CADM2: variants seen among roughly 807,000 people sequenced by gnomAD.
CADM2 encodes cell adhesion molecule 2.
CADM2 carries 12 observed loss-of-function variants against 49.8 expected under a neutral mutation model. The observed-to-expected ratio is 0.24, with a 90% confidence interval of 0.15 to 0.39. The LOEUF is 0.39. Ranked by LOEUF, CADM2 falls within the 10% of genes least tolerant of loss-of-function variation. CADM2 has a pLI of 1.00. For missense variants in CADM2, 378 were observed against 492.3 expected (o/e 0.77, Z 2.20); for synonymous variants, 214 against 175.4 (o/e 1.22, Z -1.74).
chr3:85,625,771 G>GTAC (rs1237465032), intron 1 of CADM2, among the ~76,000 whole-genome samples: 5 of 151,740 alleles, frequency 3.3e-5, no homozygotes, highest in Non-Finnish European at 7.4e-5. Context: ...ATGTAGTTTC[G>GTAC]TACTGTGATA....
intron 2 of CADM2, among the ~76,000 whole-genome samples, chr3:85,785,812 T>G (rs1384571560): frequency 6.6e-6 from 1 of 151,702 alleles, no homozygotes; most frequent in Non-Finnish European, 1.5e-5. Flanking sequence ...CAGCTTCCAT[T>G]TTCTTGTACA....
intron 1 of CADM2, among the ~76,000 whole-genome samples, chr3:85,168,119 G>C (rs376280792): frequency 6.6e-6 from 1 of 151,990 alleles, no homozygotes; most frequent in African/African-American, 2.4e-5. Flanking sequence ...GCAGTGGCTC[G>C]ATCTGGGCTC....
chr3:85,027,097 T>A (rs965423857), intron 1 of CADM2, among the ~76,000 whole-genome samples: 14 of 133,700 alleles, frequency 1.0e-4, no homozygotes, highest in South Asian at 9.4e-4. Flanking sequence ...TTGTTGTTGC[T>A]TTTTCTTTTT....
intron 1 of CADM2, among the ~76,000 whole-genome samples, chr3:85,279,076 T>TA (rs1347866692): frequency 3.4e-4 from 52 of 151,606 alleles, no homozygotes; most frequent in Non-Finnish European, 6.8e-4. Context: ...GTTTGGGGTT[T>TA]CAGGAGTAAG....
At chr3:85,411,597 A>C (rs2035659700) in intron 1 of CADM2, among the ~76,000 whole-genome samples, 2 of 152,178 alleles carry the variant, frequency 1.3e-5, no homozygotes, top group South Asian at 4.1e-4. Context: ...ATCATAGTTT[A>C]TACCAAACCC....
At chr3:85,291,997 T>C (rs1348268476) in intron 1 of CADM2, among the ~76,000 whole-genome samples, 15 of 152,106 alleles carry the variant, frequency 9.9e-5, no homozygotes, top group Non-Finnish European at 1.8e-4. Flanking sequence ...GACTGGCAAA[T>C]TGGATAAACA....
At chr3:85,950,989 A>G (rs1723360325) in intron 7 of CADM2, among the ~76,000 whole-genome samples, 1 of 151,070 alleles carries the variant, frequency 6.6e-6, no homozygotes, top group Admixed American at 6.6e-5. Context: ...ACCCTGTCAG[A>G]CAGAAGTACT....
intron 1 of CADM2, among the ~76,000 whole-genome samples, chr3:85,292,862 A>G (rs2106943142): frequency 6.6e-6 from 1 of 152,288 alleles, no homozygotes; most frequent in East Asian, 1.9e-4. Flanking sequence ...TGACACCCTA[A>G]CATCACAATT....
chr3:85,652,246 G>A (rs1190311663), intron 1 of CADM2, among the ~76,000 whole-genome samples: 1 of 152,072 alleles, frequency 6.6e-6, no homozygotes, highest in Non-Finnish European at 1.5e-5. Flanking sequence ...ATGAAAAAAT[G>A]ATATTAATTG....
chr3:85,647,513 CTAAAGT>C (rs2064923184), intron 1 of CADM2, among the ~76,000 whole-genome samples: 1 of 151,654 alleles, frequency 6.6e-6, no homozygotes, highest in Non-Finnish European at 1.5e-5. Context: ...ACAATACACA[CTAAAGT>C]TAATCTGTTT....
rs187496071 is a variant in CADM2 at position 86,069,571 on chromosome 3, A to G, written c.*2788A>G. The G allele has an allele frequency of 4.8e-4, 73 of 152,172 alleles. No individual in the cohort carries two copies. Among genetic ancestry groups the G allele is most frequent in the African/African-American group, 1.7e-3 (69 of 41,574 alleles). The allele number at this position is 152,172 out of a possible 1,614,324, so 9.4% of individuals were successfully genotyped here. ...TTCCAACAAGTCAGAAAATAATGAC[A>G]TAATATTTCTAAATGAGAATGATGT... On this transcript the variant is annotated 3_prime_UTR_variant, in exon 10 of 10. Transcript: ENST00000383699.
chr3:84,979,850 A>C (rs1389319189), intron 1 of CADM2, among the ~76,000 whole-genome samples: 2 of 152,140 alleles, frequency 1.3e-5, no homozygotes, highest in Non-Finnish European at 2.9e-5. Flanking sequence ...CTTTCTTGGA[A>C]TAATTAAAAG....
At chr3:85,608,667 C>T (rs1286287802) in intron 1 of CADM2, among the ~76,000 whole-genome samples, 1 of 152,100 alleles carries the variant, frequency 6.6e-6, no homozygotes, top group Non-Finnish European at 1.5e-5. Flanking sequence ...GACTTCAAGG[C>T]TTATTTTATG....
chr3:85,271,425 A>G (rs1248257213), intron 1 of CADM2, among the ~76,000 whole-genome samples: 1 of 151,328 alleles, frequency 6.6e-6, no homozygotes. Flanking sequence ...AGGAAGCATC[A>G]TCATAGAAAG....
chr3:85,190,622 A>T lies in CADM2; in HGVS notation c.61+230954A>T, dbSNP rs780810125. Among the ~76,000 whole-genome samples, 17 of 152,284 alleles carry T rather than the reference A, an allele frequency of 1.1e-4. No individual in the cohort carries two copies. In the South Asian group the frequency reaches 3.5e-3, roughly 32 times the overall value. ...TTTGCTGAGATTTAAAAGAAAGGCG[A>T]TAATTTTGAGCAGGACCCTTTTAGA... On this transcript the variant is annotated intron_variant, in intron 1 of 9. Coordinates refer to ENST00000383699, the MANE Select transcript of CADM2 (RefSeq NM_001167675.2).
At chr3:85,128,874 A>G (rs567165044) in intron 1 of CADM2, among the ~76,000 whole-genome samples, 2 of 152,270 alleles carry the variant, frequency 1.3e-5, no homozygotes, top group African/African-American at 4.8e-5. Flanking sequence ...GAAATTACAT[A>G]CAGTTTATCT....
chr3:85,961,915 A>G (rs1724876870), intron 8 of CADM2, among the ~76,000 whole-genome samples: 1 of 151,796 alleles, frequency 6.6e-6, no homozygotes, highest in Non-Finnish European at 1.5e-5. Context: ...CTCGTAAACT[A>G]TATTAATGAT....
rs563957909 is a variant in CADM2 at position 85,387,660 on chromosome 3, C to T, written c.62-338862C>T. Among the ~76,000 whole-genome samples, 9 of 152,228 alleles carry T rather than the reference C, an allele frequency of 5.9e-5. No individual in the cohort carries two copies. In the South Asian group the frequency reaches 1.0e-3, roughly 18 times the overall value. On this transcript the variant is annotated intron_variant, in intron 1 of 9. Transcript: ENST00000383699. ...TTTTATATATGAAATATACTAATTT[C>T]AGATTTCAGATTTTAATATTTGCAT...
At chr3:86,009,189 A>G (rs1731183451) in intron 8 of CADM2, among the ~76,000 whole-genome samples, 1 of 129,490 alleles carries the variant, frequency 7.7e-6, no homozygotes, top group Non-Finnish European at 1.6e-5. Context: ...ATATGAATAT[A>G]TGTATGAATA....
Sources: gnomAD v4.1 joint callset for allele counts (sites outside exome capture counted in the v4.1 genomes callset) on GRCh38, gnomAD v4.1.1 for gene constraint, MANE v1.5 for transcripts, NCBI Gene and HGNC (gene_info 2026-07-23, HGNC 2026-07-21) for gene names.